AP3D1: variants seen among roughly 807,000 people sequenced by gnomAD.
AP3D1 encodes the protein AP-3 complex subunit delta-1.
Under a neutral mutation model 147.6 loss-of-function variants are expected in AP3D1, and 51 were observed. The ratio of observed to expected loss-of-function variants is 0.35; its 90% CI spans 0.28 to 0.44. The LOEUF (loss-of-function observed/expected upper bound fraction) is 0.44, where lower values mean the gene tolerates loss of function less well. AP3D1 is among the 20% of genes least tolerant of loss of function. The pLI is 1.00. For synonymous variants in AP3D1, 760 were observed against 663.0 expected, an observed-to-expected ratio of 1.15 and a Z score of -2.25; for missense variants, 1,421 against 1,624.2, an observed-to-expected ratio of 0.87 and a Z score of 2.15.
Position 2,111,792 on chromosome 19 carries a change from C to T in AP3D1, c.2824G>A (p.Glu942Lys). The change falls in exon 25 of 32, where the codon GAG becomes AAG. Residue 942 changes from glutamate to lysine, a missense_variant. This residue lies in a region of AP3D1 where 791 missense variants were observed against 761.4 expected (regional missense o/e 1.04). Coordinates refer to ENST00000643116, the MANE Select transcript of AP3D1 (RefSeq NM_001261826.3). ...PKPKKKKHRK[E>K]KEERTKGKKK... ...TTGCCTTTGGTCCGCTCCTCCTTCT[C>T]CTTCCTGTGCTTCTTCTTCTTAGGC... 1 of 1,613,934 alleles carries T rather than the reference C, an allele frequency of 6.2e-7. No individual in the cohort carries two copies. The highest frequency in any genetic ancestry group is 8.5e-7 in the Non-Finnish European group (1 of 1,179,944).
At position 2,129,136 on chromosome 19, in the gene AP3D1, G is replaced by T; in HGVS notation, c.760C>A (p.Arg254=). 6.2e-7 allele frequency: 1 copy of T among 1,600,140 alleles called. No individual in the cohort carries two copies. Among genetic ancestry groups the T allele is most frequent in the Non-Finnish European group, 8.5e-7 (1 of 1,174,374 alleles). ...GGCTCGATCAGCTTCTTGCCCAGCC[G>T]CGGTTCCAAAGGAGTAAGAGCACCG... ...LFGALTPLEP[R]LGKKLIEPLT... The change falls in exon 8 of 32, where the codon CGG becomes AGG. Residue 254 remains arginine, a synonymous_variant. Coordinates refer to ENST00000643116, the MANE Select transcript of AP3D1 (RefSeq NM_001261826.3).
chr19:2,145,421 C>G (rs545375681), intron 1 of AP3D1, among the ~76,000 whole-genome samples: 2 of 152,262 alleles, frequency 1.3e-5, no homozygotes, highest in Non-Finnish European at 2.9e-5. Context: ...GCAGGTGACT[C>G]TGCCCCTCCA....
rs755347986 is a variant in AP3D1, at chr19:2,138,731, A to G, written c.97-17T>C. The G allele has an allele frequency of 6.4e-7, 1 of 1,561,880 alleles. No homozygotes were observed. Among genetic ancestry groups the G allele is most frequent in the Non-Finnish European group, 8.8e-7 (1 of 1,135,288 alleles). ...GTATTTTGCCTATAATGGGGGATAAACACAGAGATTACAAACATCCAGCTA... is the reference window on the plus strand; with the variant it reads ...GTATTTTGCCTATAATGGGGGATAAGCACAGAGATTACAAACATCCAGCTA... On this transcript the variant is annotated splice_polypyrimidine_tract_variant and intron_variant, in intron 1 of 31. Coordinates refer to ENST00000643116, the MANE Select transcript of AP3D1 (RefSeq NM_001261826.3).
intron 6 of AP3D1, 142 bp from the exon 7 acceptor site, chr19:2,129,599 T>G (rs893022799): frequency 9.6e-7 from 1 of 1,040,108 alleles, no homozygotes; most frequent in African/African-American, 1.6e-5. Context: ...CTCCTCCTGG[T>G]GACAGGGACA....
intron 31 of AP3D1, among the ~76,000 whole-genome samples, chr19:2,104,466 A>G (rs912206935): frequency 6.6e-6 from 1 of 151,386 alleles, no homozygotes; most frequent in Non-Finnish European, 1.5e-5. Context: ...CCCAACGCCA[A>G]GACACCAATG....
In AP3D1 at chr19:2,121,731, C is replaced by T. The variant is rs371479152; in HGVS notation, c.1101+3G>A. 10 of 1,591,090 alleles carry T rather than the reference C, an allele frequency of 6.3e-6. No individual in the cohort carries two copies. The highest frequency in any genetic ancestry group is 8.5e-6 in the Non-Finnish European group (10 of 1,170,412). On this transcript the variant is annotated splice_donor_region_variant and intron_variant, in intron 12 of 31. Coordinates refer to ENST00000643116, the MANE Select transcript of AP3D1 (RefSeq NM_001261826.3). ...GGGCGGGCGGCGGACAGAGGGCACGCACCATCCCATAGAGCAGGTCCAGGG... is the reference window on the plus strand; with the variant it reads ...GGGCGGGCGGCGGACAGAGGGCACGTACCATCCCATAGAGCAGGTCCAGGG...
chr19:2,119,374 C>T (rs1034527240), intron 14 of AP3D1, among the ~76,000 whole-genome samples: 24 of 151,682 alleles, frequency 1.6e-4, no homozygotes, highest in African/African-American at 5.8e-4. Flanking sequence ...CTGGCCAACA[C>T]GGTGAAACCC....
intron 22 of AP3D1, among the ~76,000 whole-genome samples, 154 bp from the exon 23 acceptor site, chr19:2,113,567 A>G (rs2145031641): frequency 6.6e-6 from 1 of 152,296 alleles, no homozygotes; most frequent in East Asian, 1.9e-4. Flanking sequence ...CCAGGAGCTG[A>G]AGGCGATGTC....
In AP3D1 at chr19:2,145,712, C is replaced by A. The variant is rs1176228564; in HGVS notation, c.96+5527G>T. 1.3e-5 allele frequency among the ~76,000 whole-genome samples: 2 copies of A among 152,062 alleles called. 1 individual carries two copies. Among genetic ancestry groups the A allele is most frequent in the Middle Eastern group, 6.3e-3 (2 of 316 alleles). The stretch of plus-strand genomic sequence containing the variant: ...GTTACAAGGGCAGAACTCACCCCCA[C>A]CCACATGCCCCTCCAGGACCCACAT... On this transcript the variant is annotated intron_variant, in intron 1 of 31. Transcript: ENST00000643116.
At chr19:2,121,687 T>C (rs562652296) in intron 12 of AP3D1, 47 bp downstream of exon 12, 3 of 1,534,246 alleles carry the variant, frequency 2.0e-6, no homozygotes, top group East Asian at 4.5e-5. Context: ...TAATGTCCCT[T>C]AGAGAACTAA....
intron 30 of AP3D1, 107 bp downstream of exon 30, chr19:2,108,979 G>A (rs1045597360): frequency 3.9e-6 from 6 of 1,534,302 alleles, no homozygotes; most frequent in African/African-American, 1.4e-5. Flanking sequence ...GGATCCCAAA[G>A]GGTGTGAGTT....
intron 1 of AP3D1, among the ~76,000 whole-genome samples, chr19:2,159,385 A>AT (rs1014371416): frequency 6.9e-6 from 1 of 144,236 alleles, no homozygotes; most frequent in South Asian, 2.2e-4. Flanking sequence ...TGCCTAGCTA[A>AT]TTTTTTTTGT....
At position 2,112,886 on chromosome 19, in the gene AP3D1, C is replaced by T. The variant is rs371609968; in HGVS notation, c.2761G>A (p.Asp921Asn). 1.1e-5 allele frequency: 18 copies of T among 1,612,870 alleles called. No homozygotes were observed. Among genetic ancestry groups the T allele is most frequent in the African/African-American group, 9.3e-5 (7 of 74,896 alleles). Reference sequence around the variant, plus strand: ...TTGTCCTGGTCTTGCCCCTCGGCATCGTCCTCCTCGCCCTGCGCCTCCGTC... The same window carrying T: ...TTGTCCTGGTCTTGCCCCTCGGCATTGTCCTCCTCGCCCTGCGCCTCCGTC... ...AKTEAQGEED[D>N]AEGQDQDKKS... The change falls in exon 24 of 32, where the codon GAT becomes AAT. Residue 921 changes from aspartate (D) to asparagine (N), a missense_variant. Physicochemically the swap from Asp to Asn is conservative, Grantham distance 23. This residue lies in a region of AP3D1 where 791 missense variants were observed against 761.4 expected (regional missense o/e 1.04). Coordinates refer to ENST00000643116, the MANE Select transcript of AP3D1 (RefSeq NM_001261826.3).
rs868556653 is a variant in AP3D1, at chr19:2,121,010, C to T, written c.1333G>A (p.Ala445Thr). 2 of 1,612,330 alleles carry T rather than the reference C, an allele frequency of 1.2e-6. No homozygotes were observed. The highest frequency in any genetic ancestry group is 1.6e-4 in the Middle Eastern group (1 of 6,062). The change falls in exon 14 of 32, where the codon GCC becomes ACC. Residue 445 changes from alanine (A) to threonine (T), a missense_variant. Transcript: ENST00000643116. ...TTGCGGATGGCCTTCACGCGGATGG[C>T]CACGTCCAGCATTTGGGCGGCGATG... ...HLIAAQMLDVAIRVKAIRKFA... is the reference protein window; with the variant it reads ...HLIAAQMLDVTIRVKAIRKFA...
intron 1 of AP3D1, among the ~76,000 whole-genome samples, chr19:2,145,610 G>A (rs1478276683): frequency 1.3e-5 from 2 of 152,158 alleles, no homozygotes; most frequent in Non-Finnish European, 2.9e-5. Flanking sequence ...CACACCCAGG[G>A]CTGGCGTCGC....
chr19:2,115,609 T>C lies in AP3D1; in HGVS notation c.2078A>G (p.Tyr693Cys), dbSNP rs1381629839. ...IKSSPSPQKR[Y>C]QDTPGVEHIP... ...GTGCTCCACGCCCGGGGTGTCCTGGTACCGCTGCAAAGGCAACACCCAGGC... is the reference window on the plus strand; with the variant it reads ...GTGCTCCACGCCCGGGGTGTCCTGGCACCGCTGCAAAGGCAACACCCAGGC... Residue 693 changes from tyrosine to cysteine, a missense_variant, in exon 19 of 32, where the codon TAC becomes TGC. Tyr to Cys is a radical substitution (Grantham distance 194). Around this residue, in one of 6 missense-constraint regions of AP3D1, gnomAD observed 791 missense variants for 761.4 expected, o/e 1.04. Coordinates refer to ENST00000643116, the MANE Select transcript of AP3D1 (RefSeq NM_001261826.3). 3 of 1,612,064 alleles carry C rather than the reference T, an allele frequency of 1.9e-6. No individual in the cohort carries two copies.
chr19:2,126,652 CAAAAAAAA>C (rs58063456), intron 9 of AP3D1, among the ~76,000 whole-genome samples: 1 of 59,634 alleles, frequency 1.7e-5, no homozygotes, highest in Non-Finnish European at 3.6e-5. Context: ...GACTCTGCCT[CAAAAAAAA>C]AAAAAAAAAA....
At chr19:2,117,631 G>C (rs1250846923) in intron 15 of AP3D1, among the ~76,000 whole-genome samples, 1 of 152,256 alleles carries the variant, frequency 6.6e-6, no homozygotes, top group Non-Finnish European at 1.5e-5. Context: ...CTCCCATCAG[G>C]TCAGTGCCCC....
intron 9 of AP3D1, 61 bp downstream of exon 9, chr19:2,127,091 C>T: frequency 1.9e-6 from 3 of 1,583,564 alleles, no homozygotes; most frequent in Non-Finnish European, 2.6e-6. Context: ...CTCCTGTCCC[C>T]ACCTGAGACC....
Sources: allele counts gnomAD v4.1 joint callset (sites outside exome capture counted in the v4.1 genomes callset), GRCh38; gene constraint gnomAD v4.1.1; regional missense constraint gnomAD v4.1.1; transcripts MANE v1.5; gene names NCBI Gene and HGNC (gene_info 2026-07-23, HGNC 2026-07-21).